The following GRIA4 variants were observed in gnomAD, a reference collection of about 807,000 sequenced individuals.
The protein encoded by GRIA4 is glutamate receptor 4.
A neutral mutation model predicts 104.0 loss-of-function variants in GRIA4; 34 were observed. The observed-to-expected ratio is 0.33, with a 90% CI of 0.25 to 0.44. The LOEUF is 0.44. Among genes scored for constraint, GRIA4 ranks in the 20% least tolerant of loss-of-function variants. The pLI, the probability that GRIA4 is intolerant of heterozygous loss-of-function variation, is 1.00. For missense variants in GRIA4, 750 were observed against 1,096.5 expected (o/e 0.68, Z 4.46); for synonymous variants, 386 against 381.9 (o/e 1.01, Z -0.13).
chr11:105,917,745 C>G (rs1947446504), intron 10 of GRIA4, among the ~76,000 whole-genome samples: 1 of 151,612 alleles, frequency 6.6e-6, no homozygotes, highest in Non-Finnish European at 1.5e-5. Context: ...CTTTAGGTGC[C>G]ACTTACAAAA....
At chr11:105,904,546 G>T (rs914440227) in intron 8 of GRIA4, among the ~76,000 whole-genome samples, 2 of 152,034 alleles carry the variant, frequency 1.3e-5, no homozygotes, top group Non-Finnish European at 2.9e-5. Flanking sequence ...GACTACCTCT[G>T]GAGATCTTTA....
chr11:105,903,712 CA>C, intron 7 of GRIA4, 101 bp from the exon 8 acceptor site: 1 of 752,368 alleles, frequency 1.3e-6, no homozygotes, highest in Non-Finnish European at 2.3e-6. Flanking sequence ...ATCCTTCAGA[CA>C]GAATGGTGCT....
At chr11:105,839,578 A>G (rs1944317804) in intron 4 of GRIA4, among the ~76,000 whole-genome samples, 1 of 151,904 alleles carries the variant, frequency 6.6e-6, no homozygotes, top group East Asian at 1.9e-4. Flanking sequence ...TATAAGCACA[A>G]CCAATAATTT....
chr11:105,819,213 T>G (rs1359891492), intron 4 of GRIA4, among the ~76,000 whole-genome samples: 1 of 152,142 alleles, frequency 6.6e-6, no homozygotes, highest in Non-Finnish European at 1.5e-5. Context: ...TTGAAAGACA[T>G]ACAGGGAAGA....
intron 16 of GRIA4, among the ~76,000 whole-genome samples, chr11:105,978,253 A>G (rs1234650608): frequency 6.6e-6 from 1 of 152,094 alleles, no homozygotes; most frequent in Non-Finnish European, 1.5e-5. Context: ...ATTTCAACGG[A>G]CTAATAGAAG....
rs576041056 is a variant in GRIA4, at chr11:105,936,393, A to G, written c.2294+2424A>G. 3.3e-5 allele frequency among the ~76,000 whole-genome samples: 5 copies of G among 152,274 alleles called. No homozygotes were observed. The South Asian group carries it at 1.0e-3, about 32-fold the overall frequency. On this transcript the variant is annotated intron_variant, in intron 14 of 16. Transcript: ENST00000282499. ...TAGAGACTTAAGTCTGTTTTCCAAA[A>G]CAATCTATCTTTTTTTAATCAGGTC...
intron 1 of GRIA4, 43 bp from the exon 2 acceptor site, chr11:105,610,860 TCTTTC>T: frequency 5.4e-6 from 3 of 557,760 alleles, no homozygotes; most frequent in Non-Finnish European, 6.1e-6. Flanking sequence ...TTCTTTCTTT[TCTTTC>T]TTTTCTTTTT....
At chr11:105,781,112 ACTTCTGAT>A (rs1276444985) in intron 4 of GRIA4, among the ~76,000 whole-genome samples, 1 of 152,206 alleles carries the variant, frequency 6.6e-6, no homozygotes, top group Non-Finnish European at 1.5e-5. Context: ...ACTGCTAATA[ACTTCTGAT>A]CTTTATTTAT....
rs1313780237 is a variant in GRIA4 at position 105,898,360 on chromosome 11, T to A, written c.818T>A (p.Ile273Asn). The change falls in exon 7 of 17, where the codon ATC becomes AAC. Residue 273 changes from isoleucine (I) to asparagine (N), a missense_variant. Ile to Asn is a moderately radical substitution (Grantham distance 149). Around this residue, in one of 3 missense-constraint regions of GRIA4, gnomAD observed 410 missense variants for 502.7 expected, o/e 0.82. Transcript: ENST00000282499. ...QLVDFNTPMVIKLMDRWKKLD... is the reference protein window; with the variant it reads ...QLVDFNTPMVNKLMDRWKKLD... ...GTGGATTTTAATACACCTATGGTAATCAAACTAATGGATCGCTGGAAGAAA... is the reference window on the plus strand; with the variant it reads ...GTGGATTTTAATACACCTATGGTAAACAAACTAATGGATCGCTGGAAGAAA... 2 of 1,587,528 alleles carry A rather than the reference T, an allele frequency of 1.3e-6. No individual in the cohort carries two copies. Among genetic ancestry groups the A allele is most frequent in the South Asian group, 2.2e-5 (2 of 90,490 alleles).
chr11:105,859,326 C>G (rs1430424429), intron 4 of GRIA4, among the ~76,000 whole-genome samples: 1 of 152,132 alleles, frequency 6.6e-6, no homozygotes, highest in Admixed American at 6.6e-5. Flanking sequence ...TTATTTCTGA[C>G]TATGATTAAT....
intron 3 of GRIA4, among the ~76,000 whole-genome samples, chr11:105,740,425 C>G (rs183111124): frequency 1.3e-5 from 2 of 152,196 alleles, no homozygotes; most frequent in Non-Finnish European, 2.9e-5. Flanking sequence ...TTTCTTATTT[C>G]TTTTGCCATA....
At chr11:105,933,065 C>T (rs75011995) in intron 13 of GRIA4, among the ~76,000 whole-genome samples, 3,678 of 150,886 alleles carry the variant, frequency 0.024, 88 homozygotes, top group Admixed American at 0.078. Flanking sequence ...ATAACAAGAT[C>T]CCATCTTTAA....
At position 105,619,076 on chromosome 11, in the gene GRIA4, GAA is replaced by G. The variant is rs35180533; in HGVS notation, c.247+6652_247+6653del. Reference sequence around the variant, plus strand: ...CAGAATGTTCTTTTGTATATGACCAGAAAAAAAAAAAGCAACCCCATAGAGAT... The same window carrying G: ...CAGAATGTTCTTTTGTATATGACCAGAAAAAAAAAGCAACCCCATAGAGAT... On this transcript the variant is annotated intron_variant, in intron 3 of 16. Coordinates refer to ENST00000282499, the MANE Select transcript of GRIA4 (RefSeq NM_000829.4). Among the ~76,000 whole-genome samples, 17 of 149,172 alleles carry G rather than the reference GAA, an allele frequency of 1.1e-4. 1 individual carries two copies. Among genetic ancestry groups the G allele is most frequent in the South Asian group, 2.1e-4 (1 of 4,714 alleles).
chr11:105,931,840 T>C (rs1947885171), intron 13 of GRIA4, among the ~76,000 whole-genome samples: 1 of 152,212 alleles, frequency 6.6e-6, no homozygotes, highest in African/African-American at 2.4e-5. Flanking sequence ...AAATCAAAAA[T>C]TTGAATCCCA....
intron 4 of GRIA4, among the ~76,000 whole-genome samples, chr11:105,821,489 T>G (rs1034086451): frequency 6.6e-6 from 1 of 151,844 alleles, no homozygotes; most frequent in African/African-American, 2.4e-5. Context: ...ATAATCACGG[T>G]GGAAGGCAAA....
At chr11:105,976,010 G>C (rs2136293237) in intron 16 of GRIA4, among the ~76,000 whole-genome samples, 1 of 152,164 alleles carries the variant, frequency 6.6e-6, no homozygotes, top group East Asian at 1.9e-4. Context: ...AAACTACAAA[G>C]TGGGATAATA....
At chr11:105,897,971 T>C (rs1430840842) in intron 6 of GRIA4, among the ~76,000 whole-genome samples, 1 of 152,172 alleles carries the variant, frequency 6.6e-6, no homozygotes, top group Non-Finnish European at 1.5e-5. Flanking sequence ...ATCATATTTA[T>C]CTCCTGTATC....
At chr11:105,889,164 TTAAAA>T (rs1353021382) in intron 6 of GRIA4, among the ~76,000 whole-genome samples, 7 of 152,150 alleles carry the variant, frequency 4.6e-5, no homozygotes, top group African/African-American at 1.7e-4. Flanking sequence ...ACATTGGCAA[TTAAAA>T]TAAATAAATC....
At chr11:105,749,555 T>G (rs912250358) in intron 3 of GRIA4, among the ~76,000 whole-genome samples, 2 of 152,172 alleles carry the variant, frequency 1.3e-5, no homozygotes, top group Non-Finnish European at 2.9e-5. Context: ...TCCCATAACT[T>G]GAGAAACACT....
Sources: gnomAD v4.1 joint callset for allele counts (sites outside exome capture counted in the v4.1 genomes callset) on GRCh38, gnomAD v4.1.1 for gene constraint, gnomAD v4.1.1 regional missense constraint, MANE v1.5 for transcripts, NCBI Gene and HGNC (gene_info 2026-07-23, HGNC 2026-07-21) for gene names.